VPS33A: variants seen among roughly 807,000 people sequenced by gnomAD.
The protein encoded by VPS33A is vacuolar protein sorting-associated protein 33A.
A neutral mutation model predicts 71.8 loss-of-function variants in VPS33A; 32 were observed. That is an observed-to-expected ratio of 0.45 (90% CI 0.34 to 0.60). The LOEUF (loss-of-function observed/expected upper bound fraction) is 0.60, where lower values mean the gene tolerates loss of function less well. VPS33A is among the 20% of genes least tolerant of loss of function. The probability of loss-of-function intolerance (pLI) is 0.02; values close to 1 mark genes in which losing one functional copy is unlikely to be tolerated. For missense variants in VPS33A, 625 were observed against 748.5 expected (o/e 0.84, Z 1.92); for synonymous variants, 311 against 292.7 (o/e 1.06, Z -0.64).
Position 122,232,010 on chromosome 12 carries a change from C to T in VPS33A, c.*236G>A. 1 of 444,538 alleles carries T rather than the reference C, an allele frequency of 2.2e-6. No individual in the cohort carries two copies. Among genetic ancestry groups the T allele is most frequent in the Non-Finnish European group, 3.9e-6 (1 of 256,140 alleles). 27.5% of individuals were successfully genotyped at this position (444,538 alleles called of 1,614,324 possible). ...AGGTGGAGGTTGCAGTGAGGTGAGA[C>T]CGTGCCACTGCACTCTAGTCTGGGT... On this transcript the variant is annotated 3_prime_UTR_variant, in exon 13 of 13. Coordinates refer to ENST00000267199, the MANE Select transcript of VPS33A (RefSeq NM_022916.6).
At chr12:122,242,300 T>G in intron 8 of VPS33A, 82 bp downstream of exon 8, 1 of 1,531,322 alleles carries the variant, frequency 6.5e-7, no homozygotes, top group Non-Finnish European at 8.9e-7. Flanking sequence ...CGAAGAGGCA[T>G]TGTGGTGTTG....
At chr12:122,254,089 G>T (rs2136142614) in intron 4 of VPS33A, among the ~76,000 whole-genome samples, 1 of 152,220 alleles carries the variant, frequency 6.6e-6, no homozygotes, top group African/African-American at 2.4e-5. Context: ...TATATATGCT[G>T]ATTTTTATAT....
At chr12:122,265,094 T>C (rs1321158906) in intron 1 of VPS33A, among the ~76,000 whole-genome samples, 4 of 151,884 alleles carry the variant, frequency 2.6e-5, no homozygotes, top group Admixed American at 2.0e-4. Context: ...CGCTAATTTT[T>C]ATTTTAGTAG....
At chr12:122,241,693 T>C (rs7965868) in intron 8 of VPS33A, among the ~76,000 whole-genome samples, 71,478 of 150,476 alleles carry the variant, frequency 0.48, 19,679 homozygotes, top group African/African-American at 0.76. Flanking sequence ...CCAGGGTTCA[T>C]GTGATTCTCA....
In VPS33A at chr12:122,263,433, A is replaced by G. The variant is rs962984974; in HGVS notation, c.296+139T>C. ...CCCCAGCCCCCATCTTCTCTTTTAT[A>G]TTCTTCCATGCCTATCTCAGTTTTC... On this transcript the variant is annotated intron_variant, in intron 3 of 12. Coordinates refer to ENST00000267199, the MANE Select transcript of VPS33A (RefSeq NM_022916.6). 10 of 1,037,940 alleles carry G rather than the reference A, an allele frequency of 9.6e-6. No homozygotes were observed. The African/African-American group carries it at 1.6e-4, about 17-fold the overall frequency. The allele number at this position is 1,037,940 out of a possible 1,614,324, so 64.3% of individuals were successfully genotyped here. A position where few individuals can be genotyped will look rare whatever the true frequency, so the allele number is the denominator to read the frequency against.
chr12:122,236,501 C>G (rs1954630911), intron 10 of VPS33A, among the ~76,000 whole-genome samples: 1 of 151,970 alleles, frequency 6.6e-6, no homozygotes, highest in South Asian at 2.1e-4. Flanking sequence ...TTAGCTGGGC[C>G]TGGTGGCATG....
chr12:122,236,747 C>A (rs1954634070), intron 10 of VPS33A, among the ~76,000 whole-genome samples: 1 of 152,228 alleles, frequency 6.6e-6, no homozygotes, highest in Non-Finnish European at 1.5e-5. Flanking sequence ...CCGGCTCTAA[C>A]CCCATGACGT....
chr12:122,251,172 G>A (rs568750923), intron 4 of VPS33A, 73 bp from the exon 5 acceptor site: 75 of 972,570 alleles, frequency 7.7e-5, no homozygotes, highest in Non-Finnish European at 1.1e-4. Context: ...CCTGGGGCTG[G>A]GGTGCAGCGA....
chr12:122,261,231 T>C, intron 4 of VPS33A, 30 bp downstream of exon 4: 1 of 1,590,362 alleles, frequency 6.3e-7, no homozygotes, highest in Non-Finnish European at 8.6e-7. Flanking sequence ...CAAAAATTAA[T>C]GCCTGAAGTT....
At chr12:122,248,709 G>A (rs1191515422) in intron 6 of VPS33A, 1 of 152,222 alleles carries the variant, frequency 6.6e-6, no homozygotes, top group Non-Finnish European at 1.5e-5. Flanking sequence ...CCTGCCCCAG[G>A]ATCTCCAACT....
chr12:122,251,522 C>T (rs781596179), intron 4 of VPS33A, among the ~76,000 whole-genome samples: 7 of 152,220 alleles, frequency 4.6e-5, no homozygotes, highest in African/African-American at 1.2e-4. Flanking sequence ...GACCACAGGA[C>T]GAATACTTTA....
chr12:122,258,386 C>T (rs995824584), intron 4 of VPS33A, among the ~76,000 whole-genome samples: 8 of 152,016 alleles, frequency 5.3e-5, no homozygotes, highest in African/African-American at 1.7e-4. Context: ...TTTAGTGCAT[C>T]GAACGACACC....
At chr12:122,236,514 C>A (rs1954631085) in intron 10 of VPS33A, among the ~76,000 whole-genome samples, 1 of 152,150 alleles carries the variant, frequency 6.6e-6, no homozygotes, top group Non-Finnish European at 1.5e-5. Context: ...GTGGCATGTA[C>A]CTGTAATCCC....
chr12:122,252,830 A>G (rs1275111815), intron 4 of VPS33A: 1 of 152,260 alleles, frequency 6.6e-6, no homozygotes, highest in Non-Finnish European at 1.5e-5. Flanking sequence ...CATGTAAAGC[A>G]TTTAATCCCA....
intron 10 of VPS33A, among the ~76,000 whole-genome samples, chr12:122,238,152 T>C (rs1304347832): frequency 1.3e-5 from 2 of 152,142 alleles, no homozygotes; most frequent in African/African-American, 4.8e-5. Flanking sequence ...TGTTAAAAAA[T>C]TTATACAACA....
chr12:122,263,711 C>G lies in VPS33A; in HGVS notation c.169-12G>C. ...TCCACTTCATGTTCCTAGGCAAACACATACACAAAAGGTTAACAAGAAGAC... is the reference window on the plus strand; with the variant it reads ...TCCACTTCATGTTCCTAGGCAAACAGATACACAAAAGGTTAACAAGAAGAC... On this transcript the variant is annotated splice_polypyrimidine_tract_variant and intron_variant, in intron 2 of 12. Transcript: ENST00000267199. The G allele has an allele frequency of 6.3e-7, 1 of 1,593,060 alleles. No homozygotes were observed. The highest frequency in any genetic ancestry group is 8.6e-7 in the Non-Finnish European group (1 of 1,166,534).
rs75584636 is a variant in VPS33A, at chr12:122,241,619, T to C, written c.1096+763A>G. Among the ~76,000 whole-genome samples, 113 of 151,550 alleles carry C rather than the reference T, an allele frequency of 7.5e-4. 2 individuals carry two copies. The East Asian group carries it at 0.022, about 29-fold the overall frequency. ...CTCGCCCAGTCTTTTTTTTTTTTAA[T>C]GGAGTCTCGCTCAACCAGGCTGGAG... is the stretch of plus-strand genomic sequence containing the variant. On this transcript the variant is annotated intron_variant, in intron 8 of 12. Coordinates refer to ENST00000267199, the MANE Select transcript of VPS33A (RefSeq NM_022916.6).
At chr12:122,240,819 C>T (rs1380657652) in intron 8 of VPS33A, among the ~76,000 whole-genome samples, 1 of 152,114 alleles carries the variant, frequency 6.6e-6, no homozygotes, top group Non-Finnish European at 1.5e-5. Flanking sequence ...GAAGAACATG[C>T]GCCAATAAGT....
intron 5 of VPS33A, 148 bp from the exon 6 acceptor site, chr12:122,250,193 C>T (rs1954824857): frequency 9.3e-6 from 8 of 860,210 alleles, no homozygotes; most frequent in Non-Finnish European, 3.4e-6. Context: ...TCTAGAAAAG[C>T]ACCTTGCTGT....
Sources: gnomAD v4.1 joint callset for allele counts (sites outside exome capture counted in the v4.1 genomes callset) on GRCh38, gnomAD v4.1.1 for gene constraint, MANE v1.5 for transcripts, NCBI Gene and HGNC (gene_info 2026-07-23, HGNC 2026-07-21) for gene names.